Variants in FBXW4 observed in about 807,000 individuals in gnomAD.
FBXW4 encodes the protein F-box/WD repeat-containing protein 4.
FBXW4 carries 40 observed loss-of-function variants against 61.8 expected under a neutral mutation model. That is an observed-to-expected ratio of 0.65 (90% CI 0.50 to 0.84). The LOEUF (loss-of-function observed/expected upper bound fraction) is 0.84, where lower values mean the gene tolerates loss of function less well. Among genes scored for constraint, FBXW4 ranks in the 40% least tolerant of loss-of-function variants. The pLI is 0.00. For synonymous variants in FBXW4, 311 were observed against 313.8 expected (o/e 0.99, Z 0.10); for missense variants, 672 against 753.8 (o/e 0.89, Z 1.27).
intron 5 of FBXW4, among the ~76,000 whole-genome samples, chr10:101,642,197 CAT>C (rs1165869889): frequency 4.6e-5 from 7 of 151,818 alleles, no homozygotes; most frequent in African/African-American, 7.3e-5. Flanking sequence ...ATAGTCCACA[CAT>C]GTGTATGTGT....
At chr10:101,640,914 T>C (rs2134843924) in intron 5 of FBXW4, among the ~76,000 whole-genome samples, 1 of 149,264 alleles carries the variant, frequency 6.7e-6, no homozygotes, top group East Asian at 2.1e-4. Context: ...CACTGCAACC[T>C]CCACCTCCCA....
At chr10:101,628,561 T>G (rs561595658) in intron 5 of FBXW4, among the ~76,000 whole-genome samples, 9 of 152,162 alleles carry the variant, frequency 5.9e-5, no homozygotes, top group Non-Finnish European at 1.2e-4. Context: ...CCTACACAGC[T>G]GGGAAAGCTA....
rs1589788983 is a variant in FBXW4, at chr10:101,694,301, A to G, written c.725+80T>C. 2 of 1,293,084 alleles carry G rather than the reference A, an allele frequency of 1.5e-6. No homozygotes were observed. Among genetic ancestry groups the G allele is most frequent in the East Asian group, 6.3e-5 (2 of 31,680 alleles). The allele number at this position is 1,293,084 out of a possible 1,614,324, so 80.1% of individuals were successfully genotyped here. A position where few individuals can be genotyped will look rare whatever the true frequency, so the allele number is the denominator to read the frequency against. On this transcript the variant is annotated intron_variant, in intron 1 of 8. Coordinates refer to ENST00000331272, the MANE Select transcript of FBXW4 (RefSeq NM_022039.4). This position sits in a 1 kb window ranked among gnomAD's most constrained non-coding sequence, Gnocchi z 6.0. ...CGGGGTGCGACACGACCCTGGGCCG[A>G]CCAGGCCGCGGCGCCCCGCCCTTTC...
At chr10:101,688,913 T>C (rs2064559809) in intron 1 of FBXW4, among the ~76,000 whole-genome samples, 1 of 152,110 alleles carries the variant, frequency 6.6e-6, no homozygotes, top group African/African-American at 2.4e-5. Flanking sequence ...TGCCTAAATT[T>C]CTCCCAGTTC....
intron 6 of FBXW4, among the ~76,000 whole-genome samples, chr10:101,616,614 G>A (rs1163338358): frequency 6.6e-6 from 1 of 152,234 alleles, no homozygotes; most frequent in African/African-American, 2.4e-5. Context: ...ACAAGATAGG[G>A]AGATGGCCCA....
In FBXW4 at chr10:101,694,625, C is replaced by T. The variant is rs1229624171; in HGVS notation, c.481G>A (p.Gly161Arg). 9 of 1,430,258 alleles carry T rather than the reference C, an allele frequency of 6.3e-6. No homozygotes were observed. The East Asian group carries it at 2.3e-4, about 37-fold the overall frequency. The allele number at this position is 1,430,258 out of a possible 1,614,324, so 88.6% of individuals were successfully genotyped here. A position where few individuals can be genotyped will look rare whatever the true frequency, so the allele number is the denominator to read the frequency against. ...GCCTCCTCCTCCTCCTCCTCCTCCCCGGCCGCCGCCGCCATGGCCACCCCT... is the reference window on the plus strand; with the variant it reads ...GCCTCCTCCTCCTCCTCCTCCTCCCTGGCCGCCGCCGCCATGGCCACCCCT... The part of the protein sequence containing the change: ...GTGVAMAAAA[G>R]EEEEEEEAAR... Residue 161 changes from glycine (G) to arginine (R), a missense_variant, in exon 1 of 9, where the codon GGG becomes AGG. By Grantham distance (125) the Gly-to-Arg change is moderately radical. Around this residue, in one of 5 missense-constraint regions of FBXW4, gnomAD observed 311 missense variants for 301.1 expected, o/e 1.03. Transcript: ENST00000331272. This position sits in a 1 kb window ranked among gnomAD's most constrained non-coding sequence, Gnocchi z 6.0.
intron 5 of FBXW4, among the ~76,000 whole-genome samples, chr10:101,651,277 C>T (rs1031539736): frequency 6.6e-6 from 1 of 151,952 alleles, no homozygotes; most frequent in East Asian, 1.9e-4. Flanking sequence ...ACTAATTACT[C>T]GCCTACACTC....
chr10:101,673,001 T>C lies in FBXW4; in HGVS notation c.1054A>G (p.Lys352Glu). Residue 352 changes from lysine to glutamate, a missense_variant, in exon 4 of 9, where the codon AAG becomes GAG. Lys to Glu is a moderately conservative substitution (Grantham distance 56). Transcript: ENST00000331272. ...ACCTCCTGTTCATGAGCCGAGTACT[T>C]GACAGTGAAGGTGCTGTGAATCTTA... The part of the protein sequence containing the change: ...IHKIHSTFTV[K>E]YSAHEQEVNC... 1 of 1,613,738 alleles carries C rather than the reference T, an allele frequency of 6.2e-7. No individual in the cohort carries two copies.
intron 1 of FBXW4, among the ~76,000 whole-genome samples, chr10:101,690,284 G>A (rs1032061490): frequency 2.0e-5 from 3 of 152,056 alleles, no homozygotes; most frequent in African/African-American, 7.2e-5. Flanking sequence ...TCTTGTAAAC[G>A]GAACTAGGTT....
chr10:101,630,906 C>T lies in FBXW4; in HGVS notation c.1236-6096G>A, dbSNP rs1044902439. On this transcript the variant is annotated intron_variant, in intron 5 of 8. Coordinates refer to ENST00000331272, the MANE Select transcript of FBXW4 (RefSeq NM_022039.4). Reference sequence around the variant, plus strand: ...ACATCCACCTGAATGCCCTCTAGAGCGCAGCTCCAGAAGCTGCTCGAGTCA... The same window carrying T: ...ACATCCACCTGAATGCCCTCTAGAGTGCAGCTCCAGAAGCTGCTCGAGTCA... Among the ~76,000 whole-genome samples, 10 of 152,204 alleles carry T rather than the reference C, an allele frequency of 6.6e-5. No homozygotes were observed. The East Asian group carries it at 9.6e-4, about 15-fold the overall frequency.
At chr10:101,615,748 T>A (rs900191238) in intron 6 of FBXW4, among the ~76,000 whole-genome samples, 1 of 152,094 alleles carries the variant, frequency 6.6e-6, no homozygotes, top group Non-Finnish European at 1.5e-5. Context: ...AGCTAACTGA[T>A]GGTAGGGGCT....
At chr10:101,679,677 T>C (rs865871172) in intron 1 of FBXW4, among the ~76,000 whole-genome samples, 3 of 152,132 alleles carry the variant, frequency 2.0e-5, no homozygotes, top group African/African-American at 7.2e-5. Flanking sequence ...CAACTTTGGG[T>C]GTTTTTATTT....
intron 5 of FBXW4, among the ~76,000 whole-genome samples, chr10:101,653,783 C>T (rs1034400715): frequency 2.0e-5 from 3 of 152,142 alleles, no homozygotes; most frequent in African/African-American, 4.8e-5. Context: ...GTGTTTCATA[C>T]TTCCCATGTG....
At chr10:101,614,139 C>T (rs2063809359) in intron 6 of FBXW4, among the ~76,000 whole-genome samples, 1 of 152,242 alleles carries the variant, frequency 6.6e-6, no homozygotes, top group African/African-American at 2.4e-5. Context: ...TGGGTAGGGG[C>T]TGTTTGGCTC....
intron 5 of FBXW4, among the ~76,000 whole-genome samples, chr10:101,661,299 C>CA (rs1327430930): frequency 6.6e-6 from 1 of 152,176 alleles, no homozygotes; most frequent in African/African-American, 2.4e-5. Flanking sequence ...CCCAGCAGCT[C>CA]AGCACATGAG....
intron 5 of FBXW4, among the ~76,000 whole-genome samples, chr10:101,649,741 G>C (rs1011871330): frequency 1.3e-5 from 2 of 152,234 alleles, no homozygotes; most frequent in Non-Finnish European, 2.9e-5. Context: ...CCCTGTGCTT[G>C]GTGAACCTTG....
chr10:101,640,573 C>A (rs2134843249), intron 5 of FBXW4, among the ~76,000 whole-genome samples: 1 of 136,930 alleles, frequency 7.3e-6, no homozygotes, highest in East Asian at 2.5e-4. Flanking sequence ...CTCACTGCAA[C>A]CTCTGCTTCC....
chr10:101,612,177 T>G (rs551606334), intron 7 of FBXW4, among the ~76,000 whole-genome samples, 160 bp downstream of exon 7: 30 of 152,348 alleles, frequency 2.0e-4, no homozygotes, highest in African/African-American at 7.0e-4. Context: ...GGACCAGGGC[T>G]GCCCAAATGT....
In FBXW4 at chr10:101,695,077, G is replaced by A. The variant is rs1175382837; in HGVS notation, c.29C>T (p.Pro10Leu). The A allele has an allele frequency of 7.1e-6, 7 of 989,098 alleles. No homozygotes were observed. The South Asian group carries it at 2.8e-4, about 40-fold the overall frequency. 61.3% of individuals were successfully genotyped at this position (989,098 alleles called of 1,614,324 possible). MGSQGRSGP[P>L]GNGGPGEGEG... ...GCCCTCGCCGGGCCCGCCGTTCCCG[G>A]GGGGCCCCGAGCGGCCCTGGCTGCC... is the stretch of plus-strand genomic sequence containing the variant. Residue 10 changes from proline (P) to leucine (L), a missense_variant, in exon 1 of 9, where the codon CCC becomes CTC. This residue lies in a region of FBXW4 where 38 missense variants were observed against 43.3 expected (regional missense o/e 0.88). Transcript: ENST00000331272. This position sits in a 1 kb window ranked among gnomAD's most constrained non-coding sequence, Gnocchi z 4.2.
Sources: gnomAD v4.1 joint callset for allele counts (sites outside exome capture counted in the v4.1 genomes callset) on GRCh38, gnomAD v4.1.1 for gene constraint, gnomAD v4.1.1 regional missense constraint, Gnocchi (gnomAD v3.1) non-coding constraint, MANE v1.5 for transcripts, NCBI Gene and HGNC (gene_info 2026-07-23, HGNC 2026-07-21) for gene names.